The following GLIS3 variants were observed in gnomAD, a reference collection of about 807,000 sequenced individuals.
GLIS3 encodes GLIS family zinc finger 3, also known as zinc finger protein GLIS3.
A neutral mutation model predicts 78.6 loss-of-function variants in GLIS3; 53 were observed. That is an observed-to-expected ratio of 0.67 (90% CI 0.54 to 0.85). The LOEUF (loss-of-function observed/expected upper bound fraction) is 0.85. Ranked by LOEUF, GLIS3 falls within the 40% of genes least tolerant of loss-of-function variation. The pLI, the probability that GLIS3 is intolerant of heterozygous loss-of-function variation, is 0.00. For missense variants in GLIS3, 1,703 were observed against 1,231.1 expected (o/e 1.38, Z -5.74); for synonymous variants, 684 against 509.9 (o/e 1.34, Z -4.60).
intron 2 of GLIS3, among the ~76,000 whole-genome samples, chr9:4,233,593 T>C (rs997093124): frequency 4.6e-5 from 7 of 152,226 alleles, no homozygotes; most frequent in Non-Finnish European, 1.5e-5. Context: ...GTTCCATTTA[T>C]AGATCACAGG....
At chr9:3,966,797 A>G (rs1817969665) in intron 4 of GLIS3, among the ~76,000 whole-genome samples, 1 of 151,652 alleles carries the variant, frequency 6.6e-6, no homozygotes, top group African/African-American at 2.4e-5. Flanking sequence ...AAAACAAAAA[A>G]CCCTTAAAAC....
At chr9:4,317,766 T>A (rs1445372179) in intron 2 of GLIS3, among the ~76,000 whole-genome samples, 3 of 152,206 alleles carry the variant, frequency 2.0e-5, no homozygotes, top group Admixed American at 1.3e-4. Context: ...GCTCAGAATT[T>A]ATTTACTGTT....
chr9:4,387,468 CGT>C, the GLIS3 span, among the ~76,000 whole-genome samples: 11 of 152,226 alleles, frequency 7.2e-5, no homozygotes, highest in East Asian at 2.1e-3. Context: ...CAGCTCTTGT[CGT>C]TCAAATTGGA....
At chr9:4,162,688 CTAT>C (rs1167144454) in intron 2 of GLIS3, among the ~76,000 whole-genome samples, 11 of 151,724 alleles carry the variant, frequency 7.3e-5, no homozygotes, top group South Asian at 6.2e-4. Context: ...AATCCCATCT[CTAT>C]TAAAAAATAC....
At chr9:4,400,270 G>C in the GLIS3 span, among the ~76,000 whole-genome samples, 1 of 152,200 alleles carries the variant, frequency 6.6e-6, no homozygotes, top group Admixed American at 6.5e-5. Flanking sequence ...AGAAGAGTTA[G>C]GAGGCAGTTG....
intron 7 of GLIS3, among the ~76,000 whole-genome samples, chr9:3,891,066 C>CAAAAAAA (rs58449134): frequency 7.9e-5 from 10 of 126,940 alleles, no homozygotes; most frequent in African/African-American, 2.6e-4. Flanking sequence ...CTTCCTTCCT[C>CAAAAAAA]AAAAAAAAAA....
At chr9:3,895,746 A>G (rs1203998698) in intron 7 of GLIS3, among the ~76,000 whole-genome samples, 2 of 152,186 alleles carry the variant, frequency 1.3e-5, no homozygotes, top group African/African-American at 4.8e-5. Flanking sequence ...TTAGAATGTT[A>G]TAAAGCATCA....
chr9:3,880,260 T>C (rs10973992), intron 7 of GLIS3, among the ~76,000 whole-genome samples: 21,327 of 152,266 alleles, frequency 0.14, 1,879 homozygotes, highest in Non-Finnish European at 0.19. Flanking sequence ...TTGCCCGTTA[T>C]GACACAGAGA....
chr9:4,183,512 C>T (rs1817512761), intron 2 of GLIS3, among the ~76,000 whole-genome samples: 1 of 152,146 alleles, frequency 6.6e-6, no homozygotes. Context: ...AAGCAGCGAT[C>T]CTGAAAGCCT....
chr9:4,258,907 C>T (rs1363814678), intron 2 of GLIS3, among the ~76,000 whole-genome samples: 1 of 152,160 alleles, frequency 6.6e-6, no homozygotes, highest in African/African-American at 2.4e-5. Context: ...ATAATTCAAC[C>T]TCTGTACTTT....
At chr9:3,926,234 T>G (rs924402579) in intron 6 of GLIS3, among the ~76,000 whole-genome samples, 9 of 47,652 alleles carry the variant, frequency 1.9e-4, no homozygotes, top group African/African-American at 5.3e-4. Flanking sequence ...TTTTCTTTTG[T>G]TTTTTTTTTT....
chr9:4,025,003 C>A (rs1433397984), intron 4 of GLIS3, among the ~76,000 whole-genome samples: 3 of 152,140 alleles, frequency 2.0e-5, no homozygotes, highest in African/African-American at 7.2e-5. Flanking sequence ...AATCCCAGCA[C>A]TTTGGGAGGC....
chr9:4,089,840 A>C (rs1456175696), intron 4 of GLIS3, among the ~76,000 whole-genome samples: 1 of 152,194 alleles, frequency 6.6e-6, no homozygotes, highest in African/African-American at 2.4e-5. Flanking sequence ...AAACCCATAA[A>C]AAATTGAATT....
chr9:4,248,239 GC>G (rs35994959), intron 2 of GLIS3, among the ~76,000 whole-genome samples: 55,766 of 151,422 alleles, frequency 0.37, 12,107 homozygotes, highest in South Asian at 0.65. Context: ...CCTTCCCCCA[GC>G]CCCCCATCCC....
intron 2 of GLIS3, among the ~76,000 whole-genome samples, chr9:4,328,813 G>A (rs1331789037): frequency 6.6e-6 from 1 of 152,180 alleles, no homozygotes; most frequent in Admixed American, 6.5e-5. Flanking sequence ...GGCACATGCA[G>A]CATTTAGATC....
chr9:4,445,096 T>C, the GLIS3 span, among the ~76,000 whole-genome samples: 3 of 152,198 alleles, frequency 2.0e-5, no homozygotes, highest in Non-Finnish European at 4.4e-5. Context: ...AAGACGGAAA[T>C]TCAAGCACGG....
chr9:4,087,950 T>C (rs1050019062), intron 4 of GLIS3, among the ~76,000 whole-genome samples: 1 of 152,170 alleles, frequency 6.6e-6, no homozygotes, highest in East Asian at 1.9e-4. Context: ...TGTACATGGA[T>C]TGGCCCCCAA....
At chr9:4,239,342 T>C (rs1358195184) in intron 2 of GLIS3, among the ~76,000 whole-genome samples, 2 of 151,954 alleles carry the variant, frequency 1.3e-5, no homozygotes, top group East Asian at 3.8e-4. Context: ...AAAAAAAATG[T>C]TCTCTTAACC....
Position 3,825,443 on chromosome 9 carries a change from A to G in GLIS3, c.*2829T>C, listed in dbSNP as rs1490581572. On this transcript the variant is annotated 3_prime_UTR_variant, in exon 11 of 11. Coordinates refer to ENST00000381971, the MANE Select transcript of GLIS3 (RefSeq NM_001042413.2). The stretch of plus-strand genomic sequence containing the variant: ...TCTAGGCAGACTGATTTTTTTTTTA[A>G]TGCAATAGGATAATTGTCTTTGCGC... 13 of 152,022 alleles carry G rather than the reference A, an allele frequency of 8.6e-5. No homozygotes were observed. Among genetic ancestry groups the G allele is most frequent in the Non-Finnish European group, 1.0e-4 (7 of 67,996 alleles). 9.4% of individuals were successfully genotyped at this position (152,022 alleles called of 1,614,324 possible).
Sources: allele counts gnomAD v4.1 joint callset (sites outside exome capture counted in the v4.1 genomes callset), GRCh38; gene constraint gnomAD v4.1.1; transcripts MANE v1.5; gene names NCBI Gene and HGNC (gene_info 2026-07-23, HGNC 2026-07-21).